GRID2IP: variants seen among roughly 807,000 people sequenced by gnomAD.
GRID2IP encodes the protein delphilin.
GRID2IP carries 78 observed loss-of-function variants against 114.3 expected under a neutral mutation model. The ratio of observed to expected loss-of-function variants is 0.68; its 90% CI spans 0.57 to 0.82. The LOEUF is 0.82. Ranked by LOEUF, GRID2IP falls within the 40% of genes least tolerant of loss-of-function variation. The probability of loss-of-function intolerance (pLI) is 0.00; values close to 1 mark genes in which losing one functional copy is unlikely to be tolerated. For missense variants in GRID2IP, 1,727 were observed against 1,678.5 expected, an observed-to-expected ratio of 1.03 and a Z score of -0.51; for synonymous variants, 809 against 724.0, an observed-to-expected ratio of 1.12 and a Z score of -1.89.
Position 6,536,013 on chromosome 7 carries a change from A to G in GRID2IP, c.584+3705T>C, listed in dbSNP as rs1229531822. ...GTTGCTCTGTGCTGAGTTAGCCATC[A>G]ACTGGCACCCAACCCTGGGAATCAC... On this transcript the variant is annotated intron_variant, in intron 2 of 21. Transcript: ENST00000457091. The surrounding 1 kb of genome is among the most constrained non-coding windows in gnomAD (Gnocchi z 5.3). Among the ~76,000 whole-genome samples, 1 of 152,082 alleles carries G rather than the reference A, an allele frequency of 6.6e-6. No individual in the cohort carries two copies. Among genetic ancestry groups the G allele is most frequent in the Non-Finnish European group, 1.5e-5 (1 of 68,002 alleles).
Position 6,534,948 on chromosome 7 carries a change from C to T in GRID2IP, c.584+4770G>A, listed in dbSNP as rs1006697831. 2.0e-5 allele frequency among the ~76,000 whole-genome samples: 3 copies of T among 152,150 alleles called. No individual in the cohort carries two copies. Among genetic ancestry groups the T allele is most frequent in the Non-Finnish European group, 2.9e-5 (2 of 68,024 alleles). On this transcript the variant is annotated intron_variant, in intron 2 of 21. Transcript: ENST00000457091. This position sits in a 1 kb window ranked among gnomAD's most constrained non-coding sequence, Gnocchi z 4.5. ...TTGCCCAGGCTGGAGTGCAATGGCACGATCTCGGCTCACTGCAATCTCCGC... is the reference window on the plus strand; with the variant it reads ...TTGCCCAGGCTGGAGTGCAATGGCATGATCTCGGCTCACTGCAATCTCCGC...
intron 1 of GRID2IP, among the ~76,000 whole-genome samples, chr7:6,547,550 AAAC>A (rs953701001): frequency 8.5e-5 from 13 of 152,138 alleles, no homozygotes; most frequent in Admixed American, 3.3e-4. Context: ...CCTGTCTCAA[AAAC>A]AACAACAATA....
chr7:6,500,508 G>T (rs1159167745), intron 20 of GRID2IP, among the ~76,000 whole-genome samples: 1 of 152,150 alleles, frequency 6.6e-6, no homozygotes, highest in African/African-American at 2.4e-5. Flanking sequence ...AAAGATGGGG[G>T]TGAAAAGCAC....
chr7:6,503,714 G>T, intron 15 of GRID2IP, 27 bp from the exon 16 acceptor site: 2 of 1,440,744 alleles, frequency 1.4e-6, no homozygotes, highest in Non-Finnish European at 1.8e-6. Context: ...GCGGTGAGCT[G>T]GGCGGGGCCG....
At chr7:6,503,192 C>T in intron 16 of GRID2IP, 29 bp from the exon 17 acceptor site, 1 of 1,478,530 alleles carries the variant, frequency 6.8e-7, no homozygotes, top group Non-Finnish European at 9.0e-7. Flanking sequence ...CAGGATTCAC[C>T]CATCCCCTTC....
At chr7:6,499,883 C>A (rs969835788) in intron 20 of GRID2IP, among the ~76,000 whole-genome samples, 1 of 152,036 alleles carries the variant, frequency 6.6e-6, no homozygotes, top group Non-Finnish European at 1.5e-5. Context: ...GCATGCACCA[C>A]TATGCCAGAC....
At chr7:6,511,178 A>C in intron 8 of GRID2IP, 139 bp from the exon 9 acceptor site, 2 of 1,170,178 alleles carry the variant, frequency 1.7e-6, no homozygotes. Flanking sequence ...GCTTGCCTCC[A>C]GAACAGCTCT....
chr7:6,500,926 C>T (rs1485553326), intron 20 of GRID2IP, among the ~76,000 whole-genome samples: 1 of 152,226 alleles, frequency 6.6e-6, no homozygotes, highest in Non-Finnish European at 1.5e-5. Flanking sequence ...GCCTGACAGG[C>T]TGCTCCTTGT....
intron 2 of GRID2IP, among the ~76,000 whole-genome samples, chr7:6,537,253 C>CT (rs1317157840): frequency 6.6e-6 from 1 of 151,562 alleles, no homozygotes; most frequent in Non-Finnish European, 1.5e-5. Context: ...GACAAATAAA[C>CT]TGAGAGCAGG....
Position 6,503,035 on chromosome 7 carries a change from G to T in GRID2IP, c.3036C>A (p.Asn1012Lys), listed in dbSNP as rs1300663174. 3.9e-5 allele frequency: 60 copies of T among 1,551,462 alleles called. No homozygotes were observed. The highest frequency in any genetic ancestry group is 1.7e-4 in the Middle Eastern group (1 of 6,014). The part of the protein sequence containing the change: ...CLRQASLELK[N>K]SRKLAKILEF... ...CCAGGATCTTGGCGAGCTTCCGACT[G>T]TTTTTGAGCTCCAGGGAGGCCTGGC... Residue 1012 changes from asparagine (N) to lysine (K), a missense_variant, in exon 17 of 22, where the codon AAC (asparagine) becomes AAA (lysine). Coordinates refer to ENST00000457091, the MANE Select transcript of GRID2IP (RefSeq NM_001145118.2).
At chr7:6,539,153 G>A (rs1779775842) in intron 2 of GRID2IP, among the ~76,000 whole-genome samples, 1 of 148,042 alleles carries the variant, frequency 6.8e-6, no homozygotes, top group South Asian at 2.1e-4. Context: ...TTTTGAGACA[G>A]TGTCTTGCTC....
At position 6,509,424 on chromosome 7, in the gene GRID2IP, C is replaced by G; in HGVS notation, c.1772-111G>C. The G allele has an allele frequency of 6.1e-6, 6 of 983,572 alleles. No homozygotes were observed. The highest frequency in any genetic ancestry group is 8.5e-6 in the Non-Finnish European group (6 of 703,662). 60.9% of individuals were successfully genotyped at this position (983,572 alleles called of 1,614,324 possible). A position where few individuals can be genotyped will look rare whatever the true frequency, so the allele number is the denominator to read the frequency against. On this transcript the variant is annotated intron_variant, in intron 11 of 21. Transcript: ENST00000457091. This position sits in a 1 kb window ranked among gnomAD's most constrained non-coding sequence, Gnocchi z 4.9. The stretch of plus-strand genomic sequence containing the variant: ...CTGGCTCTGTGTCCCAGGCCACTCT[C>G]CTTTCCCTCTCTGGGCACAGTGCAG...
At position 6,510,999 on chromosome 7, in the gene GRID2IP, C is replaced by T. The variant is rs926173016; in HGVS notation, c.1464G>A (p.Thr488=). 22 of 1,522,078 alleles carry T rather than the reference C, an allele frequency of 1.4e-5. No individual in the cohort carries two copies. The highest frequency in any genetic ancestry group is 1.7e-4 in the Middle Eastern group (1 of 5,820). The allele number at this position is 1,522,078 out of a possible 1,614,324, so 94.3% of individuals were successfully genotyped here. A position where few individuals can be genotyped will look rare whatever the true frequency, so the allele number is the denominator to read the frequency against. ...EPELDLESEP[T]PEPQPRSSLR... ...GGGAGCTCCGCGGCTGGGGCTCAGGCGTGGGCTCGGACTCCAGGTCCAGCT... is the reference window on the plus strand; with the variant it reads ...GGGAGCTCCGCGGCTGGGGCTCAGGTGTGGGCTCGGACTCCAGGTCCAGCT... Residue 488 remains threonine (T), a synonymous_variant, in exon 9 of 22, where the codon ACG becomes ACA. Coordinates refer to ENST00000457091, the MANE Select transcript of GRID2IP (RefSeq NM_001145118.2).
At chr7:6,541,589 C>T (rs1373583349) in intron 1 of GRID2IP, among the ~76,000 whole-genome samples, 4 of 152,106 alleles carry the variant, frequency 2.6e-5, no homozygotes, top group South Asian at 2.1e-4. Context: ...CAAATGGACA[C>T]GTTGGAAACG....
chr7:6,550,616 G>C (rs1316719563), intron 1 of GRID2IP, among the ~76,000 whole-genome samples: 2 of 136,600 alleles, frequency 1.5e-5, no homozygotes, highest in Non-Finnish European at 3.0e-5. Flanking sequence ...TTTGAGACCA[G>C]ACTGACCAAC....
intron 11 of GRID2IP, 52 bp downstream of exon 11, chr7:6,510,231 C>T (rs1786731552): frequency 7.9e-7 from 1 of 1,267,248 alleles, no homozygotes; most frequent in East Asian, 2.6e-5. Context: ...AGGGCTGAGC[C>T]TGGGGTGGAG....
chr7:6,542,082 A>G (rs1397936087), intron 1 of GRID2IP, among the ~76,000 whole-genome samples: 2 of 152,080 alleles, frequency 1.3e-5, no homozygotes, highest in African/African-American at 4.8e-5. Flanking sequence ...GGGGCGGATC[A>G]TCTGAGGTCA....
chr7:6,514,513 T>C lies in GRID2IP; in HGVS notation c.1285A>G (p.Ile429Val), dbSNP rs1412297094. ...FFQHRNIDTLIVDVYPVLDTP... is the reference protein window; with the variant it reads ...FFQHRNIDTLVVDVYPVLDTP... ...TCCAGCACAGGGTAGACGTCAACGA[T>C]GAGGGTGTCGATGTTCCTGGGGGAA... Residue 429 changes from isoleucine (I) to valine (V), a missense_variant, in exon 8 of 22, where the codon ATC becomes GTC. Physicochemically the swap from Ile to Val is conservative, Grantham distance 29. Transcript: ENST00000457091. The C allele has an allele frequency of 1.3e-6, 2 of 1,530,130 alleles. No homozygotes were observed. The highest frequency in any genetic ancestry group is 1.2e-5 in the South Asian group (1 of 82,546). 94.8% of individuals were successfully genotyped at this position (1,530,130 alleles called of 1,614,324 possible). A position where few individuals can be genotyped will look rare whatever the true frequency, so the allele number is the denominator to read the frequency against.
At position 6,534,866 on chromosome 7, in the gene GRID2IP, C is replaced by T. The variant is rs2881725; in HGVS notation, c.584+4852G>A. ...AAGTAGCTGGGATTACTGGCAACTG[C>T]CATCATGCCCAGCTAATTTATTTAT... On this transcript the variant is annotated intron_variant, in intron 2 of 21. Coordinates refer to ENST00000457091, the MANE Select transcript of GRID2IP (RefSeq NM_001145118.2). This position sits in a 1 kb window ranked among gnomAD's most constrained non-coding sequence, Gnocchi z 4.5. Among the ~76,000 whole-genome samples, 15,982 of 152,082 alleles carry T rather than the reference C, an allele frequency of 0.11. 1,622 individuals carry two copies. The highest frequency in any genetic ancestry group is 0.26 in the African/African-American group (10,776 of 41,428).
Sources: gnomAD v4.1 joint callset for allele counts (sites outside exome capture counted in the v4.1 genomes callset) on GRCh38, gnomAD v4.1.1 for gene constraint, Gnocchi (gnomAD v3.1) non-coding constraint, MANE v1.5 for transcripts, NCBI Gene and HGNC (gene_info 2026-07-23, HGNC 2026-07-21) for gene names.